HCN2: variants seen among roughly 807,000 people sequenced by gnomAD.
The protein encoded by HCN2 is potassium/sodium hyperpolarization-activated cyclic nucleotide-gated channel 2.
HCN2 carries 20 observed loss-of-function variants against 52.3 expected under a neutral mutation model. The observed-to-expected ratio is 0.38, with a 90% CI of 0.27 to 0.56. The LOEUF is 0.56. Among genes scored for constraint, HCN2 ranks in the 20% least tolerant of loss-of-function variants. HCN2 has a pLI of 0.71. For synonymous variants in HCN2, 694 were observed against 537.0 expected (o/e 1.29, Z -4.04); for missense variants, 981 against 1,207.7 (o/e 0.81, Z 2.78).
intron 4 of HCN2, among the ~76,000 whole-genome samples, chr19:610,045 A>C (rs1006934346): frequency 6.6e-6 from 1 of 152,032 alleles, no homozygotes; most frequent in African/African-American, 2.4e-5. Flanking sequence ...TGTCTGACCC[A>C]GCCCTGACCC....
At chr19:606,736 C>T (rs1983439560) in intron 3 of HCN2, among the ~76,000 whole-genome samples, 2 of 151,002 alleles carry the variant, frequency 1.3e-5, no homozygotes, top group South Asian at 4.2e-4. Context: ...CCTGTAATTC[C>T]AGCTACTGTA....
chr19:601,111 G>A (rs1055124694), intron 1 of HCN2, among the ~76,000 whole-genome samples: 1 of 152,160 alleles, frequency 6.6e-6, no homozygotes, highest in Admixed American at 6.5e-5. Flanking sequence ...TCAGGGTTTC[G>A]AGACCAGCCT....
Position 590,192 on chromosome 19 carries a change from G to A in HCN2, c.247G>A (p.Gly83Ser). 1 of 981,526 alleles carries A rather than the reference G, an allele frequency of 1.0e-6. No individual in the cohort carries two copies. Among genetic ancestry groups the A allele is most frequent in the Non-Finnish European group, 1.2e-6 (1 of 829,628 alleles). 60.8% of individuals were successfully genotyped at this position (981,526 alleles called of 1,614,324 possible). A position where few individuals can be genotyped will look rare whatever the true frequency, so the allele number is the denominator to read the frequency against. The change falls in exon 1 of 8, where the codon GGC becomes AGC. Residue 83 changes from glycine to serine, a missense_variant. Around this residue, in one of 6 missense-constraint regions of HCN2, gnomAD observed 215 missense variants for 179.4 expected, o/e 1.20. Coordinates refer to ENST00000251287, the MANE Select transcript of HCN2 (RefSeq NM_001194.4). The surrounding 1 kb of genome is among the most constrained non-coding windows in gnomAD (Gnocchi z 7.2). Reference protein sequence around the residue: ...GRLRSRDSSCGRPGTPGAAST... With the variant: ...GRLRSRDSSCSRPGTPGAAST... ...GCTCCGCAGCCGCGACAGCTCGTGC[G>A]GCCGCCCCGGCACCCCGGGCGCGGC...
intron 5 of HCN2, among the ~76,000 whole-genome samples, 175 bp downstream of exon 5, chr19:610,580 C>T (rs1259030582): frequency 2.6e-5 from 4 of 152,128 alleles, no homozygotes; most frequent in South Asian, 2.1e-4. Flanking sequence ...CCTCTGCACC[C>T]CCAGGACCCC....
intron 4 of HCN2, among the ~76,000 whole-genome samples, chr19:609,703 C>G (rs1262683955): frequency 6.6e-6 from 1 of 151,966 alleles, no homozygotes; most frequent in Non-Finnish European, 1.5e-5. Context: ...GAGTTCAAGA[C>G]CAGCCTGTGC....
intron 5 of HCN2, among the ~76,000 whole-genome samples, chr19:612,427 T>TGTGTGTGAGAGAGAGA: frequency 2.1e-4 from 30 of 142,358 alleles, no homozygotes; most frequent in Middle Eastern, 3.6e-3. Flanking sequence ...TGTGTGTGTG[T>TGTGTGTGAGAGAGAGA]GAGAGAGAGA....
At chr19:594,162 G>T (rs1386213131) in intron 1 of HCN2, among the ~76,000 whole-genome samples, 1 of 152,102 alleles carries the variant, frequency 6.6e-6, no homozygotes, top group Admixed American at 6.5e-5. Context: ...CCAGGGAGGG[G>T]CGGTCTGAGG....
chr19:603,873 G>T lies in HCN2; in HGVS notation c.962G>T (p.Arg321Leu), dbSNP rs1345064563. The change falls in exon 2 of 8, where the codon CGC (arginine) becomes CTC (leucine). Residue 321 changes from arginine to leucine, a missense_variant. Physicochemically the swap from Arg to Leu is moderately radical, Grantham distance 102. Transcript: ENST00000251287. ...GIDSEVYKTA[R>L]ALRIVRFTKI... is the part of the protein sequence containing the mutation. The stretch of plus-strand genomic sequence containing the variant: ...GACTCCGAGGTCTACAAGACGGCAC[G>T]CGCCCTGCGCATCGTGCGCTTCACC... The T allele has an allele frequency of 6.2e-7, 1 of 1,612,492 alleles. No homozygotes were observed.
At chr19:605,245 G>A (rs1473376039) in intron 3 of HCN2, 23 bp downstream of exon 3, 6 of 1,607,754 alleles carry the variant, frequency 3.7e-6, no homozygotes, top group Non-Finnish European at 5.1e-6. Flanking sequence ...GGCCCTGACG[G>A]AGGGGGAGAC....
rs1983938374 is a variant in HCN2, at chr19:616,542, C to T, written c.*68C>T. 4.3e-6 allele frequency: 4 copies of T among 939,298 alleles called. No individual in the cohort carries two copies. The highest frequency in any genetic ancestry group is 3.5e-5 in the African/African-American group (2 of 56,356). The allele number at this position is 939,298 out of a possible 1,614,324, so 58.2% of individuals were successfully genotyped here. On this transcript the variant is annotated 3_prime_UTR_variant, in exon 8 of 8. Transcript: ENST00000251287. ...GGCCGTCATCCAGACCAAAGCCATG[C>T]CATTGCGCTGCCCCGGCCGCCAGTC...
At position 615,930 on chromosome 19, in the gene HCN2, A is replaced by C. The variant is rs778913100; in HGVS notation, c.2126A>C (p.Gln709Pro). Residue 709 changes from glutamine to proline, a missense_variant, in exon 8 of 8, where the codon CAG becomes CCG. Gln to Pro is a moderately conservative substitution (Grantham distance 76). Coordinates refer to ENST00000251287, the MANE Select transcript of HCN2 (RefSeq NM_001194.4). ...REMVQQAELG[Q>P]RVGLFPPPPP... ...ATGGTGCAGCAGGCCGAGCTGGGTC[A>C]GCGCGTGGGCCTCTTCCCGCCGCCG... The C allele has an allele frequency of 6.2e-7, 1 of 1,611,036 alleles. No individual in the cohort carries two copies. The highest frequency in any genetic ancestry group is 8.5e-7 in the Non-Finnish European group (1 of 1,179,604).
chr19:593,145 C>T lies in HCN2; in HGVS notation c.632+2568C>T, dbSNP rs544676139. 2.2e-4 allele frequency among the ~76,000 whole-genome samples: 33 copies of T among 152,360 alleles called. No homozygotes were observed. In the South Asian group the frequency reaches 6.8e-3, roughly 32 times the overall value. The stretch of plus-strand genomic sequence containing the variant: ...CCTCGCTGCCCAGCTGTCTCCGCCA[C>T]GCCCAAGTCCACCCTGCTCCCGTGC... On this transcript the variant is annotated intron_variant, in intron 1 of 7. Coordinates refer to ENST00000251287, the MANE Select transcript of HCN2 (RefSeq NM_001194.4).
At position 616,530 on chromosome 19, in the gene HCN2, A is replaced by G; in HGVS notation, c.*56A>G. 2.8e-6 allele frequency: 3 copies of G among 1,066,440 alleles called. No homozygotes were observed. Among genetic ancestry groups the G allele is most frequent in the Non-Finnish European group, 3.5e-6 (3 of 852,750 alleles). 66.1% of individuals were successfully genotyped at this position (1,066,440 alleles called of 1,614,324 possible). A position where few individuals can be genotyped will look rare whatever the true frequency, so the allele number is the denominator to read the frequency against. On this transcript the variant is annotated 3_prime_UTR_variant, in exon 8 of 8. Coordinates refer to ENST00000251287, the MANE Select transcript of HCN2 (RefSeq NM_001194.4). The stretch of plus-strand genomic sequence containing the variant: ...GGCCGGGGGCGGGGCCGTCATCCAG[A>G]CCAAAGCCATGCCATTGCGCTGCCC...
At chr19:611,005 C>G (rs1016423420) in intron 5 of HCN2, among the ~76,000 whole-genome samples, 5 of 152,222 alleles carry the variant, frequency 3.3e-5, no homozygotes, top group Admixed American at 1.3e-4. Flanking sequence ...TCTCCCTGAT[C>G]TCTGCCTCCA....
rs1054793 is a variant in HCN2, at chr19:617,036, G to A, written c.*562G>A. Reference sequence around the variant, plus strand: ...CTGCGCAGGGCGCGGGGGGGAGGCTGGGGTCCCGCCGCCGTGATGAATGTA... The same window carrying A: ...CTGCGCAGGGCGCGGGGGGGAGGCTAGGGTCCCGCCGCCGTGATGAATGTA... On this transcript the variant is annotated 3_prime_UTR_variant, in exon 8 of 8. Transcript: ENST00000251287. 0.021 allele frequency: 11,189 copies of A among 536,796 alleles called. 185 individuals carry two copies. Among genetic ancestry groups the A allele is most frequent in the Non-Finnish European group, 0.029 (8,580 of 295,042 alleles). The allele number at this position is 536,796 out of a possible 1,614,324, so 33.3% of individuals were successfully genotyped here.
intron 1 of HCN2, among the ~76,000 whole-genome samples, chr19:598,389 C>T (rs2144509321): frequency 6.6e-6 from 1 of 152,048 alleles, no homozygotes; most frequent in Non-Finnish European, 1.5e-5. Flanking sequence ...TCACTGCAGC[C>T]TCGACTTCAT....
In HCN2 at chr19:615,958, G is replaced by A. The variant is rs1445183061; in HGVS notation, c.2154G>A (p.Pro718=). 7 of 1,603,370 alleles carry A rather than the reference G, an allele frequency of 4.4e-6. No homozygotes were observed. In the South Asian group the frequency reaches 5.5e-5, roughly 13 times the overall value. ...GCGTGGGCCTCTTCCCGCCGCCGCC[G>A]CCGCCGCCGCAGGTCACCTCGGCCA... is the stretch of plus-strand genomic sequence containing the variant. The part of the protein sequence containing the change: ...GQRVGLFPPP[P]PPPQVTSAIA... Residue 718 remains proline (P), a synonymous_variant, in exon 8 of 8, where the codon CCG becomes CCA. Transcript: ENST00000251287.
intron 7 of HCN2, among the ~76,000 whole-genome samples, chr19:615,590 C>T (rs536216628): frequency 1.4e-4 from 22 of 152,350 alleles, no homozygotes; most frequent in African/African-American, 5.3e-4. Flanking sequence ...AGCAGGTGCT[C>T]AGCCTGTATA....
intron 1 of HCN2, among the ~76,000 whole-genome samples, chr19:595,527 C>T (rs975331343): frequency 2.0e-5 from 3 of 152,314 alleles, no homozygotes; most frequent in African/African-American, 4.8e-5. Flanking sequence ...GCACCTGCTG[C>T]CCCTCTTCAG....
Sources: allele counts gnomAD v4.1 joint callset (sites outside exome capture counted in the v4.1 genomes callset), GRCh38; gene constraint gnomAD v4.1.1; regional missense constraint gnomAD v4.1.1; non-coding constraint Gnocchi (gnomAD v3.1); transcripts MANE v1.5; gene names NCBI Gene and HGNC (gene_info 2026-07-23, HGNC 2026-07-21).